The following RCN2 variants were observed in gnomAD, a reference collection of about 807,000 sequenced individuals.
RCN2 encodes reticulocalbin 2.
RCN2 carries 23 observed loss-of-function variants against 37.5 expected under a neutral mutation model. The observed-to-expected ratio is 0.61, with a 90% CI of 0.44 to 0.87. The LOEUF (loss-of-function observed/expected upper bound fraction) is 0.87, where lower values mean the gene tolerates loss of function less well. Among genes scored for constraint, RCN2 ranks in the 40% least tolerant of loss-of-function variants. The probability of loss-of-function intolerance (pLI) is 0.00; values close to 1 mark genes in which losing one functional copy is unlikely to be tolerated. For synonymous variants in RCN2, 140 were observed against 144.6 expected (o/e 0.97, Z 0.23); for missense variants, 381 against 390.4 (o/e 0.98, Z 0.20).
chr15:76,932,622 A>G (rs551643727), intron 2 of RCN2, among the ~76,000 whole-genome samples, 156 bp downstream of exon 2: 1 of 152,352 alleles, frequency 6.6e-6, no homozygotes, highest in East Asian at 1.9e-4. Flanking sequence ...ACAAATCTTT[A>G]GACACTGAGA....
At chr15:76,946,743 C>T (rs1384295820) in intron 4 of RCN2, among the ~76,000 whole-genome samples, 1 of 151,578 alleles carries the variant, frequency 6.6e-6, no homozygotes, top group Non-Finnish European at 1.5e-5. Context: ...CAGAGCAAGA[C>T]CCCATCTGAA....
At chr15:76,941,247 G>A (rs1475288917) in intron 3 of RCN2, among the ~76,000 whole-genome samples, 1 of 151,510 alleles carries the variant, frequency 6.6e-6, no homozygotes, top group Non-Finnish European at 1.5e-5. Context: ...GGCTGGTCAC[G>A]AACTCCTGAC....
intron 6 of RCN2, chr15:76,948,801 T>C: frequency 1.9e-6 from 1 of 523,254 alleles, no homozygotes; most frequent in Non-Finnish European, 3.3e-6. Context: ...CTACAGGGAC[T>C]CAAAACAGGT....
At chr15:76,944,689 A>G (rs375309095) in intron 4 of RCN2, among the ~76,000 whole-genome samples, 12 of 152,216 alleles carry the variant, frequency 7.9e-5, no homozygotes, top group East Asian at 5.8e-4. Flanking sequence ...TGTTGTGTGG[A>G]TCAACATGTT....
intron 3 of RCN2, 82 bp from the exon 4 acceptor site, chr15:76,943,676 T>C (rs1410592330): frequency 4.1e-6 from 3 of 737,602 alleles, no homozygotes; most frequent in East Asian, 2.6e-5. Context: ...GATGGGAATG[T>C]ACTTTAAATT....
At chr15:76,946,766 A>T (rs1234301810) in intron 4 of RCN2, among the ~76,000 whole-genome samples, 1 of 151,924 alleles carries the variant, frequency 6.6e-6, no homozygotes, top group Non-Finnish European at 1.5e-5. Context: ...AAAAAAGGAG[A>T]TAGGAAGATA....
rs397790695 is a variant in RCN2 at position 76,952,039 on chromosome 15, T to TA, written c.*2818dup. 6.6e-6 allele frequency: 1 copy of TA among 151,296 alleles called. No homozygotes were observed. Among genetic ancestry groups the TA allele is most frequent in the African/African-American group, 2.4e-5 (1 of 41,188 alleles). The allele number at this position is 151,296 out of a possible 1,614,324, so 9.4% of individuals were successfully genotyped here. A position where few individuals can be genotyped will look rare whatever the true frequency, so the allele number is the denominator to read the frequency against. ...TTTAAAAATAGGCTTTTTTTTTTTT[T>TA]AGTGTAGTTTTATGTTCACAGCAAA... On this transcript the variant is annotated 3_prime_UTR_variant, in exon 7 of 7. Transcript: ENST00000394885.
intron 3 of RCN2, among the ~76,000 whole-genome samples, chr15:76,939,275 T>A (rs535509273): frequency 1.3e-4 from 18 of 136,766 alleles, no homozygotes; most frequent in Admixed American, 8.3e-4. Flanking sequence ...AATAAATAAA[T>A]AAAAATTTCC....
chr15:76,947,427 G>T lies in RCN2; in HGVS notation c.568G>T (p.Val190Phe). 1 of 1,579,180 alleles carries T rather than the reference G, an allele frequency of 6.3e-7. No homozygotes were observed. ...TTTAATGAACGTGGAATAGGAATTT[G>T]TCATTCAAGAAGCTTTAGAAGAACA... ...PEEVDYMTEFVIQEALEEHDK... is the reference protein window; with the variant it reads ...PEEVDYMTEFFIQEALEEHDK... Residue 190 changes from valine (V) to phenylalanine (F), a missense_variant, in exon 5 of 7, where the codon GTC becomes TTC. Coordinates refer to ENST00000394885, the MANE Select transcript of RCN2 (RefSeq NM_002902.3).
intron 2 of RCN2, among the ~76,000 whole-genome samples, 165 bp downstream of exon 2, chr15:76,932,631 G>T (rs145220196): frequency 6.6e-6 from 1 of 152,224 alleles, no homozygotes; most frequent in African/African-American, 2.4e-5. Context: ...TAGACACTGA[G>T]AACCAAGTAA....
intron 1 of RCN2, 117 bp downstream of exon 1, chr15:76,932,102 G>C: frequency 1.9e-6 from 2 of 1,037,032 alleles, no homozygotes; most frequent in South Asian, 6.1e-5. Context: ...GCCTGACAAT[G>C]GGGGCCGGGC....
intron 2 of RCN2, among the ~76,000 whole-genome samples, chr15:76,934,194 C>T (rs1240907109): frequency 6.6e-6 from 1 of 151,342 alleles, no homozygotes. Flanking sequence ...CCCATGTTGG[C>T]GTGCAGTAGT....
rs924634202 is a variant in RCN2, at chr15:76,951,935, T to C, written c.*2713T>C. 6.6e-6 allele frequency: 1 copy of C among 151,984 alleles called. No homozygotes were observed. Among genetic ancestry groups the C allele is most frequent in the African/African-American group, 2.4e-5 (1 of 41,376 alleles). The allele number at this position is 151,984 out of a possible 1,614,324, so 9.4% of individuals were successfully genotyped here. A position where few individuals can be genotyped will look rare whatever the true frequency, so the allele number is the denominator to read the frequency against. On this transcript the variant is annotated 3_prime_UTR_variant, in exon 7 of 7. Transcript: ENST00000394885. ...AGAAAATGATGTCTAGATTATGATA[T>C]AAATTTAAAGGAAGCCAGGACGTTC...
rs1202254269 is a variant in RCN2, at chr15:76,950,412, A to G, written c.*1190A>G. 3 of 131,302 alleles carry G rather than the reference A, an allele frequency of 2.3e-5. No homozygotes were observed. The highest frequency in any genetic ancestry group is 5.9e-5 in the African/African-American group (2 of 33,918). 8.1% of individuals were successfully genotyped at this position (131,302 alleles called of 1,614,324 possible). A position where few individuals can be genotyped will look rare whatever the true frequency, so the allele number is the denominator to read the frequency against. On this transcript the variant is annotated 3_prime_UTR_variant, in exon 7 of 7. Coordinates refer to ENST00000394885, the MANE Select transcript of RCN2 (RefSeq NM_002902.3). ...TTTTTTTTTTTTTTTTTTTTGTGAC[A>G]GAGTCTTGCTCTGTGGCCCAGGCTG...
At position 76,931,754 on chromosome 15, in the gene RCN2, T is replaced by C. The variant is rs1187575635; in HGVS notation, c.-88T>C. On this transcript the variant is annotated 5_prime_UTR_variant, in exon 1 of 7. Coordinates refer to ENST00000394885, the MANE Select transcript of RCN2 (RefSeq NM_002902.3). ...CTCAACGTACGTCGCACCGCCTCTCTGTAGCCGCCCGCGGAGCATCGCAGC... is the reference window on the plus strand; with the variant it reads ...CTCAACGTACGTCGCACCGCCTCTCCGTAGCCGCCCGCGGAGCATCGCAGC... 6.6e-6 allele frequency: 7 copies of C among 1,063,484 alleles called. No homozygotes were observed. Among genetic ancestry groups the C allele is most frequent in the African/African-American group, 1.7e-5 (1 of 59,800 alleles). The allele number at this position is 1,063,484 out of a possible 1,614,324, so 65.9% of individuals were successfully genotyped here. A position where few individuals can be genotyped will look rare whatever the true frequency, so the allele number is the denominator to read the frequency against.
chr15:76,952,354 C>G lies in RCN2; in HGVS notation c.*3132C>G, dbSNP rs181921682. ...CTTGCCCTAAAGTCTTTCTGCTCCA[C>G]CTATTCATCCCTCCCTTCCCTGTAA... On this transcript the variant is annotated 3_prime_UTR_variant, in exon 7 of 7. Coordinates refer to ENST00000394885, the MANE Select transcript of RCN2 (RefSeq NM_002902.3). The G allele has an allele frequency of 1.3e-5, 2 of 151,566 alleles. No homozygotes were observed. Among genetic ancestry groups the G allele is most frequent in the African/African-American group, 4.9e-5 (2 of 41,138 alleles). The allele number at this position is 151,566 out of a possible 1,614,324, so 9.4% of individuals were successfully genotyped here.
chr15:76,946,061 A>G (rs1487577592), intron 4 of RCN2, among the ~76,000 whole-genome samples: 1 of 152,262 alleles, frequency 6.6e-6, no homozygotes, highest in Non-Finnish European at 1.5e-5. Context: ...GATACGGCCC[A>G]GAGTTCTATC....
intron 3 of RCN2, chr15:76,941,752 C>T: frequency 1.2e-6 from 1 of 831,794 alleles, no homozygotes; most frequent in Non-Finnish European, 1.8e-6. Context: ...AAAAAGCTAC[C>T]CCCTTCACTT....
intron 3 of RCN2, among the ~76,000 whole-genome samples, chr15:76,936,303 AGAT>A (rs1306413450): frequency 6.6e-6 from 1 of 152,010 alleles, no homozygotes; most frequent in Non-Finnish European, 1.5e-5. Context: ...AGTAATCTAG[AGAT>A]GATTTAAAGC....
Sources: gnomAD v4.1 joint callset for allele counts (sites outside exome capture counted in the v4.1 genomes callset) on GRCh38, gnomAD v4.1.1 for gene constraint, MANE v1.5 for transcripts, NCBI Gene and HGNC (gene_info 2026-07-23, HGNC 2026-07-21) for gene names.